The following HIVEP2 variants were observed in gnomAD, a reference collection of about 807,000 sequenced individuals.
The protein encoded by HIVEP2 is transcription factor HIVEP2.
In HIVEP2, 14 loss-of-function variants were observed where a neutral mutation model predicts 180.7. That is an observed-to-expected ratio of 0.08 (90% confidence interval 0.05 to 0.12). The LOEUF is 0.12. HIVEP2 is among the 10% of genes least tolerant of loss of function. The pLI is 1.00. For missense variants in HIVEP2, 2,579 were observed against 3,008.5 expected (o/e 0.86, Z 3.34); for synonymous variants, 1,184 against 1,136.4 (o/e 1.04, Z -0.84).
At chr6:142,816,358 A>C (rs912700187) in intron 2 of HIVEP2, among the ~76,000 whole-genome samples, 11 of 152,072 alleles carry the variant, frequency 7.2e-5, no homozygotes, top group African/African-American at 2.2e-4. Context: ...CCATTTCCAG[A>C]ATATATTTTT....
At chr6:142,882,033 AG>A (rs1776584276) in intron 1 of HIVEP2, among the ~76,000 whole-genome samples, 1 of 152,154 alleles carries the variant, frequency 6.6e-6, no homozygotes, top group Admixed American at 6.6e-5. Context: ...GACTCTACCC[AG>A]AGTCATCACG....
chr6:142,907,524 C>T (rs1157419761), intron 1 of HIVEP2, among the ~76,000 whole-genome samples: 1 of 152,214 alleles, frequency 6.6e-6, no homozygotes, highest in Admixed American at 6.5e-5. Context: ...CTGAGTCGTA[C>T]TCAGTAAAGG....
chr6:142,848,585 G>A (rs866534900), intron 1 of HIVEP2, among the ~76,000 whole-genome samples: 6 of 152,050 alleles, frequency 3.9e-5, no homozygotes, highest in East Asian at 1.9e-4. Flanking sequence ...AATTCAACTG[G>A]AGCATGGTGC....
rs866887863 is a variant in HIVEP2 at position 142,844,883 on chromosome 6, G to T, written c.-640-7836C>A. ...ACAAAAACAATAAACACATATGAAT[G>T]GTTGCAAAAACAATAAACAAAATGC... On this transcript the variant is annotated intron_variant, in intron 1 of 9. Coordinates refer to ENST00000367603, the MANE Select transcript of HIVEP2 (RefSeq NM_006734.4). Among the ~76,000 whole-genome samples, 68 of 152,330 alleles carry T rather than the reference G, an allele frequency of 4.5e-4. 1 individual carries two copies. Among genetic ancestry groups the T allele is most frequent in the Middle Eastern group, 3.4e-3 (1 of 294 alleles).
chr6:142,823,340 ACCCCGCG>A (rs1777092156), intron 2 of HIVEP2, among the ~76,000 whole-genome samples: 1 of 151,864 alleles, frequency 6.6e-6, no homozygotes, highest in African/African-American at 2.4e-5. Context: ...GTAACCCTAA[ACCCCGCG>A]ACAACGGTTT....
At chr6:142,940,440 CAAGG>C (rs1185079370) in intron 1 of HIVEP2, among the ~76,000 whole-genome samples, 6 of 152,226 alleles carry the variant, frequency 3.9e-5, no homozygotes, top group African/African-American at 1.4e-4. Context: ...CTTCCAATTT[CAAGG>C]TCCTACCCCT....
intron 1 of HIVEP2, among the ~76,000 whole-genome samples, chr6:142,926,792 C>G (rs1777822519): frequency 1.3e-5 from 2 of 152,140 alleles, no homozygotes; most frequent in East Asian, 1.9e-4. Context: ...GCTCCCGGCG[C>G]TGGGCCCGCG....
In HIVEP2 at chr6:142,812,918, G is replaced by T. The variant is rs142573847; in HGVS notation, c.-528+24017C>A. 5.3e-3 allele frequency among the ~76,000 whole-genome samples: 810 copies of T among 152,218 alleles called. 8 individuals are homozygous for T. Among genetic ancestry groups the T allele is most frequent in the Non-Finnish European group, 5.5e-3 (374 of 67,988 alleles). ...AACTTGAAGACACAGCAATAAAAAT[G>T]ATTCAAAGTGAAACAGACAAAATAC... On this transcript the variant is annotated intron_variant, in intron 2 of 9. Coordinates refer to ENST00000367603, the MANE Select transcript of HIVEP2 (RefSeq NM_006734.4).
At position 142,760,427 on chromosome 6, in the gene HIVEP2, G is replaced by A; in HGVS notation, c.5861C>T (p.Pro1954Leu). 6.2e-7 allele frequency: 1 copy of A among 1,614,158 alleles called. No individual in the cohort carries two copies. Among genetic ancestry groups the A allele is most frequent in the Non-Finnish European group, 8.5e-7 (1 of 1,180,026 alleles). ...GGAACTATCTGAAGGAACCCCGTGG[G>A]GTACGGCGCCAACATTCACAGGCAA... The part of the protein sequence containing the change: ...SSLPVNVGAV[P>L]HGVPSDSSLG... Residue 1954 changes from proline (P) to leucine (L), a missense_variant, in exon 9 of 10, where the codon CCC becomes CTC. Pro to Leu is a moderately conservative substitution (Grantham distance 98). This residue lies in a region of HIVEP2 where 660 missense variants were observed against 731.7 expected (regional missense o/e 0.90). Coordinates refer to ENST00000367603, the MANE Select transcript of HIVEP2 (RefSeq NM_006734.4).
chr6:142,919,674 T>C (rs1777642415), intron 1 of HIVEP2, among the ~76,000 whole-genome samples: 1 of 152,216 alleles, frequency 6.6e-6, no homozygotes, highest in Non-Finnish European at 1.5e-5. Flanking sequence ...TTCAAACCTA[T>C]TAAGCTTTGG....
At chr6:142,769,447 T>C in intron 5 of HIVEP2, 105 bp downstream of exon 5, 3 of 1,047,126 alleles carry the variant, frequency 2.9e-6, no homozygotes, top group Non-Finnish European at 1.4e-6. Context: ...ACACTGACCT[T>C]CATTTTACTT....
Position 142,771,068 on chromosome 6 carries a change from G to A in HIVEP2, c.3671C>T (p.Pro1224Leu), listed in dbSNP as rs751518912. ...ATGTGGGAAATGTGCCTGCCACCAGGGAGGCTGCTGAGCTGGTAAATGAAC... is the reference window on the plus strand; with the variant it reads ...ATGTGGGAAATGTGCCTGCCACCAGAGAGGCTGCTGAGCTGGTAAATGAAC... ...CMVHLPAQQPPWWQAHFPHPF... is the reference protein window; with the variant it reads ...CMVHLPAQQPLWWQAHFPHPF... The change falls in exon 5 of 10, where the codon CCC (proline) becomes CTC (leucine). Residue 1224 changes from proline (P) to leucine (L), a missense_variant. Pro to Leu is a moderately conservative substitution (Grantham distance 98). Coordinates refer to ENST00000367603, the MANE Select transcript of HIVEP2 (RefSeq NM_006734.4). This position sits in a 1 kb window ranked among gnomAD's most constrained non-coding sequence, Gnocchi z 5.4. The A allele has an allele frequency of 1.9e-6, 3 of 1,614,152 alleles. No individual in the cohort carries two copies. Among genetic ancestry groups the A allele is most frequent in the South Asian group, 2.2e-5 (2 of 91,082 alleles).
intron 1 of HIVEP2, among the ~76,000 whole-genome samples, chr6:142,849,297 T>C (rs755010420): frequency 1.3e-5 from 2 of 152,108 alleles, no homozygotes; most frequent in Non-Finnish European, 2.9e-5. Flanking sequence ...CAGTAATCAG[T>C]AGACATTTGT....
intron 1 of HIVEP2, among the ~76,000 whole-genome samples, chr6:142,877,036 G>A (rs1776457952): frequency 6.6e-6 from 1 of 152,156 alleles, no homozygotes; most frequent in South Asian, 2.1e-4. Context: ...GCAACAGAGT[G>A]ACACCCTGTC....
intron 1 of HIVEP2, among the ~76,000 whole-genome samples, chr6:142,926,365 T>C (rs1234168572): frequency 6.6e-6 from 1 of 152,254 alleles, no homozygotes; most frequent in African/African-American, 2.4e-5. Context: ...GAGATCATTT[T>C]CTTGTAATGA....
intron 1 of HIVEP2, among the ~76,000 whole-genome samples, chr6:142,911,252 A>G (rs1777398218): frequency 6.6e-6 from 1 of 152,192 alleles, no homozygotes; most frequent in African/African-American, 2.4e-5. Context: ...TGAACAGAAT[A>G]CAGTTGGGAT....
chr6:142,905,717 A>G (rs1373421595), intron 1 of HIVEP2, among the ~76,000 whole-genome samples: 2 of 152,214 alleles, frequency 1.3e-5, no homozygotes, highest in Non-Finnish European at 2.9e-5. Flanking sequence ...ATATGACATA[A>G]TAGACCCTTT....
rs762254729 is a variant in HIVEP2, at chr6:142,772,772, T to C, written c.1967A>G (p.Gln656Arg). The C allele has an allele frequency of 3.5e-5, 56 of 1,614,120 alleles. No homozygotes were observed. The highest frequency in any genetic ancestry group is 3.9e-5 in the Non-Finnish European group (46 of 1,180,058). ...KKWEDSETPK[Q>R]NYRDISCLSS... is the part of the protein sequence containing the mutation. ...CAAGCAGGAAATGTCCCTGTAGTTTTGCTTTGGTGTTTCAGAGTCCTCCCA... is the reference window on the plus strand; with the variant it reads ...CAAGCAGGAAATGTCCCTGTAGTTTCGCTTTGGTGTTTCAGAGTCCTCCCA... Residue 656 changes from glutamine to arginine, a missense_variant, in exon 5 of 10, where the codon CAA (glutamine) becomes CGA (arginine). Coordinates refer to ENST00000367603, the MANE Select transcript of HIVEP2 (RefSeq NM_006734.4). The surrounding 1 kb of genome is among the most constrained non-coding windows in gnomAD (Gnocchi z 4.9).
intron 2 of HIVEP2, among the ~76,000 whole-genome samples, chr6:142,820,635 G>A (rs564683149): frequency 6.6e-6 from 1 of 152,222 alleles, no homozygotes; most frequent in South Asian, 2.1e-4. Context: ...CTTCCGAAAT[G>A]TGAATTAGAA....
Sources: allele counts gnomAD v4.1 joint callset (sites outside exome capture counted in the v4.1 genomes callset), GRCh38; gene constraint gnomAD v4.1.1; regional missense constraint gnomAD v4.1.1; non-coding constraint Gnocchi (gnomAD v3.1); transcripts MANE v1.5; gene names NCBI Gene and HGNC (gene_info 2026-07-23, HGNC 2026-07-21).